DACH1: variants seen among roughly 807,000 people sequenced by gnomAD.
DACH1 encodes the protein dachshund family transcription factor 1.
A neutral mutation model predicts 54.2 loss-of-function variants in DACH1; 12 were observed. The observed-to-expected ratio is 0.22, with a 90% confidence interval of 0.14 to 0.36. The LOEUF (loss-of-function observed/expected upper bound fraction) is 0.36, where lower values mean the gene tolerates loss of function less well. Among genes scored for constraint, DACH1 ranks in the 10% least tolerant of loss-of-function variants. The pLI, the probability that DACH1 is intolerant of heterozygous loss-of-function variation, is 1.00. For missense variants in DACH1, 805 were observed against 929.8 expected (o/e 0.87, Z 1.75); for synonymous variants, 386 against 366.2 (o/e 1.05, Z -0.62).
At chr13:71,598,057 G>A (rs968627251) in intron 3 of DACH1, among the ~76,000 whole-genome samples, 1 of 147,872 alleles carries the variant, frequency 6.8e-6, no homozygotes, top group African/African-American at 2.6e-5. Flanking sequence ...TCCAGTCTGG[G>A]CAACAGAGCA....
chr13:71,464,856 T>C (rs2138147753), intron 10 of DACH1: 1 of 363,380 alleles, frequency 2.8e-6, no homozygotes, highest in East Asian at 7.8e-5. Flanking sequence ...TCTGACACAA[T>C]GCACTCCCAG....
At chr13:71,855,853 T>C (rs1704345104) in intron 1 of DACH1, among the ~76,000 whole-genome samples, 1 of 151,880 alleles carries the variant, frequency 6.6e-6, no homozygotes, top group Non-Finnish European at 1.5e-5. Context: ...AAAAGTTTCT[T>C]CTCCTACTTG....
intron 1 of DACH1, among the ~76,000 whole-genome samples, chr13:71,684,632 A>G (rs919305513): frequency 1.3e-5 from 2 of 152,134 alleles, no homozygotes; most frequent in African/African-American, 4.8e-5. Context: ...ACGATAGAGC[A>G]TGGGGAACCT....
At chr13:71,508,379 T>C (rs996185057) in intron 6 of DACH1, among the ~76,000 whole-genome samples, 1 of 152,192 alleles carries the variant, frequency 6.6e-6, no homozygotes, top group Non-Finnish European at 1.5e-5. Context: ...CTTAGAAAGA[T>C]AATGAAAACA....
intron 2 of DACH1, among the ~76,000 whole-genome samples, chr13:71,639,492 T>C (rs1453879664): frequency 6.6e-6 from 1 of 152,142 alleles, no homozygotes; most frequent in Non-Finnish European, 1.5e-5. Context: ...AATTAGATTT[T>C]TTAAATGTTT....
intron 3 of DACH1, among the ~76,000 whole-genome samples, chr13:71,576,180 G>T (rs1885514383): frequency 6.6e-6 from 1 of 151,848 alleles, no homozygotes; most frequent in South Asian, 2.1e-4. Context: ...CTAACATTTG[G>T]CAGGGGAAGA....
chr13:71,744,115 G>A (rs1884511833), intron 1 of DACH1, among the ~76,000 whole-genome samples: 1 of 152,126 alleles, frequency 6.6e-6, no homozygotes, highest in Admixed American at 6.6e-5. Context: ...AATTGACTTG[G>A]TGCAGTTACA....
intron 2 of DACH1, among the ~76,000 whole-genome samples, chr13:71,676,153 C>T (rs1437953943): frequency 7.5e-6 from 1 of 134,078 alleles, no homozygotes; most frequent in Non-Finnish European, 1.5e-5. Context: ...TTGTGTTCTC[C>T]TTACTTGTGA....
At chr13:71,648,248 T>C (rs1163294478) in intron 2 of DACH1, among the ~76,000 whole-genome samples, 1 of 152,178 alleles carries the variant, frequency 6.6e-6, no homozygotes, top group Non-Finnish European at 1.5e-5. Flanking sequence ...CTCAAACTTT[T>C]CCAGTAACAG....
intron 1 of DACH1, among the ~76,000 whole-genome samples, chr13:71,746,622 TA>T (rs1322421646): frequency 6.6e-6 from 1 of 151,982 alleles, no homozygotes; most frequent in Non-Finnish European, 1.5e-5. Flanking sequence ...GCATCTCTGA[TA>T]AAAGAAATGG....
At chr13:71,783,708 T>C (rs1242144979) in intron 1 of DACH1, among the ~76,000 whole-genome samples, 1 of 152,042 alleles carries the variant, frequency 6.6e-6, no homozygotes, top group Non-Finnish European at 1.5e-5. Context: ...TATCTTTCTA[T>C]GGTATACTTA....
chr13:71,671,934 A>G (rs1328128689), intron 2 of DACH1, among the ~76,000 whole-genome samples: 1 of 152,122 alleles, frequency 6.6e-6, no homozygotes, highest in Non-Finnish European at 1.5e-5. Flanking sequence ...AGTGCACAAT[A>G]TGATTCTATT....
intron 1 of DACH1, among the ~76,000 whole-genome samples, chr13:71,864,231 T>C (rs1566550267): frequency 7.5e-6 from 1 of 133,168 alleles, no homozygotes; most frequent in Non-Finnish European, 1.5e-5. Context: ...TACCCCAAAA[T>C]AGTCGAAGGT....
chr13:71,795,265 A>T (rs970509235), intron 1 of DACH1, among the ~76,000 whole-genome samples: 3 of 152,218 alleles, frequency 2.0e-5, no homozygotes, highest in Admixed American at 6.5e-5. Flanking sequence ...CGCTGTAAAG[A>T]TAGGAGTAAA....
chr13:71,866,408 C>A lies in DACH1; in HGVS notation c.362G>T (p.Gly121Val). 1 of 1,339,142 alleles carries A rather than the reference C, an allele frequency of 7.5e-7. No homozygotes were observed. The highest frequency in any genetic ancestry group is 9.8e-7 in the Non-Finnish European group (1 of 1,016,178). 83.0% of individuals were successfully genotyped at this position (1,339,142 alleles called of 1,614,324 possible). ...AGCGACGCCGCCGCCAGCGCTGATG[C>A]CGCCGCCGCCGCCGCCGCTGCCGTT... Reference protein sequence around the residue: ...ASNGSGGGGGGISAGGGVASS... With the variant: ...ASNGSGGGGGVISAGGGVASS... Residue 121 changes from glycine to valine, a missense_variant, in exon 1 of 11, where the codon GGC (glycine) becomes GTC (valine). By Grantham distance (109) the Gly-to-Val change is moderately radical (BLOSUM62 -3). This residue lies in a region of DACH1 where 305 missense variants were observed against 308.7 expected (regional missense o/e 0.99). Transcript: ENST00000613252.
chr13:71,521,741 C>G (rs1461937860), intron 6 of DACH1, among the ~76,000 whole-genome samples: 3 of 152,074 alleles, frequency 2.0e-5, no homozygotes, highest in African/African-American at 7.2e-5. Context: ...GCCAAATCGC[C>G]TACGCGGTCA....
In DACH1 at chr13:71,866,511, C is replaced by T. The variant is rs1463510832; in HGVS notation, c.259G>A (p.Gly87Ser). 5 of 1,215,048 alleles carry T rather than the reference C, an allele frequency of 4.1e-6. No homozygotes were observed. In the African/African-American group the frequency reaches 9.1e-5, roughly 22 times the overall value. 75.3% of individuals were successfully genotyped at this position (1,215,048 alleles called of 1,614,324 possible). The change falls in exon 1 of 11, where the codon GGC (glycine) becomes AGC (serine). Residue 87 changes from glycine (G) to serine (S), a missense_variant. Gly to Ser is a moderately conservative substitution (Grantham distance 56, BLOSUM62 0). Around this residue, in one of 3 missense-constraint regions of DACH1, gnomAD observed 305 missense variants for 308.7 expected, o/e 0.99. Transcript: ENST00000613252. ...GGGGGSGGGG[G>S]SSGNGGGGGG... ...CCGCCGCCTCCGTTGCCGCTGCTGCCGCCGCCGCCTCCGCTGCCGCCGCCG... is the reference window on the plus strand; with the variant it reads ...CCGCCGCCTCCGTTGCCGCTGCTGCTGCCGCCGCCTCCGCTGCCGCCGCCG...
At chr13:71,635,721 C>T (rs943432636) in intron 2 of DACH1, among the ~76,000 whole-genome samples, 1 of 152,078 alleles carries the variant, frequency 6.6e-6, no homozygotes, top group Non-Finnish European at 1.5e-5. Flanking sequence ...CTACCCTCCC[C>T]CCTCTTCCAT....
chr13:71,466,270 T>C lies in DACH1; in HGVS notation c.2083+8871A>G, dbSNP rs146079244. ...TTCCATATATCACTATTTTTGACTA[T>C]TGGTCTTCCAGATACTATTTAAGCC... On this transcript the variant is annotated intron_variant, in intron 10 of 10. Transcript: ENST00000613252. Among the ~76,000 whole-genome samples the C allele has an allele frequency of 1.3e-3, 200 of 152,300 alleles. 2 individuals carry two copies. In the East Asian group the frequency reaches 0.031, roughly 24 times the overall value.
Sources: allele counts gnomAD v4.1 joint callset (sites outside exome capture counted in the v4.1 genomes callset), GRCh38; gene constraint gnomAD v4.1.1; regional missense constraint gnomAD v4.1.1; transcripts MANE v1.5; gene names NCBI Gene and HGNC (gene_info 2026-07-23, HGNC 2026-07-21).